KANK1: variants seen among roughly 807,000 people sequenced by gnomAD.
KANK1 encodes the protein KN motif and ankyrin repeat domains 1.
Under a neutral mutation model 106.2 loss-of-function variants are expected in KANK1, and 109 were observed. That is an observed-to-expected ratio of 1.03 (90% CI 0.88 to 1.20). The LOEUF (loss-of-function observed/expected upper bound fraction) is 1.20, where lower values mean the gene tolerates loss of function less well. KANK1 is among the 50% of genes most tolerant of loss of function. The pLI is 0.00. For synonymous variants in KANK1, 873 were observed against 652.2 expected (o/e 1.34, Z -5.16); for missense variants, 2,399 against 1,710.7 (o/e 1.40, Z -7.10).
chr9:634,595 A>G (rs912975243), intron 1 of KANK1, among the ~76,000 whole-genome samples: 12 of 152,160 alleles, frequency 7.9e-5, no homozygotes, highest in African/African-American at 2.9e-4. Flanking sequence ...TGTGGCCTTT[A>G]TTAGTCTTAC....
chr9:559,301 A>C (rs1434047836), intron 1 of KANK1, among the ~76,000 whole-genome samples: 3 of 152,108 alleles, frequency 2.0e-5, no homozygotes, highest in African/African-American at 7.2e-5. Flanking sequence ...TTGTGCATTG[A>C]AGGTTTTAAT....
chr9:504,292 G>T (rs1159662652), upstream of KANK1, among the ~76,000 whole-genome samples: 1 of 152,082 alleles, frequency 6.6e-6, no homozygotes, highest in Non-Finnish European at 1.5e-5. Context: ...CAGAAGGAGC[G>T]AACCGCGGTG....
At chr9:519,821 G>A (rs986135097) in intron 1 of KANK1, among the ~76,000 whole-genome samples, 1 of 151,654 alleles carries the variant, frequency 6.6e-6, no homozygotes, top group African/African-American at 2.4e-5. Flanking sequence ...AGACAAACAA[G>A]TCATTTAGAT....
chr9:720,625 G>A lies in KANK1; in HGVS notation c.2698+7161G>A, dbSNP rs79527826. ...CCTACCTCAGCCTCACTAAGTGCTG[G>A]GATTACAGGCGTAAGCCAATGCACC... On this transcript the variant is annotated intron_variant, in intron 3 of 11. Coordinates refer to ENST00000382297, the MANE Select transcript of KANK1 (RefSeq NM_015158.5). 9.0e-3 allele frequency among the ~76,000 whole-genome samples: 1,364 copies of A among 152,244 alleles called. 19 individuals are homozygous for A. The highest frequency in any genetic ancestry group is 0.031 in the African/African-American group (1,271 of 41,530).
At chr9:492,586 A>G (rs1375621450) in intron 3 of KANK1, among the ~76,000 whole-genome samples, 6 of 152,226 alleles carry the variant, frequency 3.9e-5, no homozygotes, top group Non-Finnish European at 7.3e-5. Flanking sequence ...AGTGATTGGC[A>G]TATAGAAAGT....
In KANK1 at chr9:627,380, GC is replaced by G. The variant is rs369168323; in HGVS notation, c.-83-49505del. Among the ~76,000 whole-genome samples, 93 of 141,544 alleles carry G rather than the reference GC, an allele frequency of 6.6e-4. 4 individuals are homozygous for G. In the South Asian group the frequency reaches 0.019, roughly 29 times the overall value. 92.9% of individuals were successfully genotyped at this position (141,544 alleles called of 152,430 possible). A position where few individuals can be genotyped will look rare whatever the true frequency, so the allele number is the denominator to read the frequency against. Reference sequence around the variant, plus strand: ...TCTCACTCCTAGCCACAGAGCTTCTGCCCCCTCCTAGCCACAGAGCTTCTGC... The same window carrying G: ...TCTCACTCCTAGCCACAGAGCTTCTGCCCCTCCTAGCCACAGAGCTTCTGC... On this transcript the variant is annotated intron_variant, in intron 1 of 11. Transcript: ENST00000382297.
chr9:484,002 A>G (rs2058250417), intron 3 of KANK1, among the ~76,000 whole-genome samples: 1 of 152,208 alleles, frequency 6.6e-6, no homozygotes, highest in Non-Finnish European at 1.5e-5. Flanking sequence ...GTGCTAGCCA[A>G]ACAAATCCGT....
At position 731,262 on chromosome 9, in the gene KANK1, G is replaced by C; in HGVS notation, c.3001G>C (p.Gly1001Arg). 1 of 1,571,712 alleles carries C rather than the reference G, an allele frequency of 6.4e-7. No individual in the cohort carries two copies. The highest frequency in any genetic ancestry group is 8.8e-7 in the Non-Finnish European group (1 of 1,142,456). The change falls in exon 5 of 12, where the codon GGA (glycine) becomes CGA (arginine). Residue 1001 changes from glycine (G) to arginine (R), a missense_variant. Coordinates refer to ENST00000382297, the MANE Select transcript of KANK1 (RefSeq NM_015158.5). ...GAATCTTCAGTTTGTTGGCATTAAT[G>C]GAGGGTAAGGAAAGATGGTGGTTCT... The part of the protein sequence containing the change: ...KKNLQFVGIN[G>R]GYETTSSDDS...
At chr9:519,049 C>G (rs1433863155) in intron 1 of KANK1, among the ~76,000 whole-genome samples, 1 of 151,516 alleles carries the variant, frequency 6.6e-6, no homozygotes, top group East Asian at 1.9e-4. Context: ...CACCACCAGG[C>G]CTGACTAATT....
Position 738,227 on chromosome 9 carries a change from A to G in KANK1, c.3334-58A>G, listed in dbSNP as rs149320111. On this transcript the variant is annotated intron_variant, in intron 7 of 11. Coordinates refer to ENST00000382297, the MANE Select transcript of KANK1 (RefSeq NM_015158.5). ...AAAGGACAGGTTACTTGTGCTTTCAACTAGGTCTCAGAAAGTCTATAAATA... is the reference window on the plus strand; with the variant it reads ...AAAGGACAGGTTACTTGTGCTTTCAGCTAGGTCTCAGAAAGTCTATAAATA... 1.1e-3 allele frequency: 1,576 copies of G among 1,405,868 alleles called. 12 individuals are homozygous for G. The highest frequency in any genetic ancestry group is 7.4e-3 in the East Asian group (305 of 41,028). 87.1% of individuals were successfully genotyped at this position (1,405,868 alleles called of 1,614,324 possible). A position where few individuals can be genotyped will look rare whatever the true frequency, so the allele number is the denominator to read the frequency against.
intron 1 of KANK1, among the ~76,000 whole-genome samples, chr9:515,530 T>C (rs1257369330): frequency 2.0e-5 from 3 of 151,830 alleles, no homozygotes; most frequent in Non-Finnish European, 4.4e-5. Flanking sequence ...AGTTTATGGA[T>C]AACTCTACTA....
intron 3 of KANK1, among the ~76,000 whole-genome samples, chr9:718,706 A>G (rs1828439384): frequency 6.6e-6 from 1 of 152,172 alleles, no homozygotes; most frequent in Admixed American, 6.5e-5. Context: ...TCCCTTCAGC[A>G]GGATTATTCT....
intron 1 of KANK1, among the ~76,000 whole-genome samples, chr9:610,630 C>G (rs1830340918): frequency 6.6e-6 from 1 of 152,182 alleles, no homozygotes; most frequent in Admixed American, 6.5e-5. Flanking sequence ...TGGCTACAAC[C>G]TGCAGTTTCC....
At chr9:537,811 A>G (rs1587617999) in intron 1 of KANK1, among the ~76,000 whole-genome samples, 1 of 152,200 alleles carries the variant, frequency 6.6e-6, no homozygotes, top group South Asian at 2.1e-4. Context: ...AGCCCACAAC[A>G]AAGAGTTATA....
At chr9:739,170 C>G (rs192572943) in intron 8 of KANK1, among the ~76,000 whole-genome samples, 3 of 152,288 alleles carry the variant, frequency 2.0e-5, no homozygotes, top group Admixed American at 1.3e-4. Context: ...ACAGATGGTA[C>G]CCTCAAGAAA....
chr9:519,463 G>C (rs1356492433), intron 1 of KANK1, among the ~76,000 whole-genome samples: 1 of 151,792 alleles, frequency 6.6e-6, no homozygotes, highest in Non-Finnish European at 1.5e-5. Flanking sequence ...TTGGCTTCTA[G>C]AGAAAAGTTT....
chr9:486,910 A>G (rs983856287), intron 3 of KANK1, among the ~76,000 whole-genome samples: 2 of 152,216 alleles, frequency 1.3e-5, no homozygotes, highest in African/African-American at 2.4e-5. Context: ...TCTAATTTTT[A>G]TGTCTTCTTG....
Position 730,250 on chromosome 9 carries a change from T to C in KANK1, c.2896+2T>C, listed in dbSNP as rs149121553. 3.1e-6 allele frequency: 5 copies of C among 1,614,014 alleles called. No individual in the cohort carries two copies. The highest frequency in any genetic ancestry group is 3.4e-6 in the Non-Finnish European group (4 of 1,179,972). ...ACCAGATCGCCGCTGGCCTCTATGG[T>C]AACTTTTCTCACTCACAGTCATTGG... is the stretch of plus-strand genomic sequence containing the variant. On this transcript the variant is annotated splice_donor_variant, in intron 4 of 11. Transcript: ENST00000382297. LOFTEE classifies it high-confidence loss of function.
chr9:495,311 C>T (rs997215023), intron 3 of KANK1: 1 of 152,174 alleles, frequency 6.6e-6, no homozygotes, highest in South Asian at 2.1e-4. Flanking sequence ...GTTGACTTAA[C>T]CGTTCTTTGT....
Sources: allele counts gnomAD v4.1 joint callset (sites outside exome capture counted in the v4.1 genomes callset), GRCh38; gene constraint gnomAD v4.1.1; transcripts MANE v1.5; gene names NCBI Gene and HGNC (gene_info 2026-07-23, HGNC 2026-07-21).